Variants in SIPA1L2 observed in about 807,000 individuals in gnomAD.
The protein encoded by SIPA1L2 is signal-induced proliferation-associated 1-like protein 2.
A neutral mutation model predicts 163.9 loss-of-function variants in SIPA1L2; 56 were observed. That is an observed-to-expected ratio of 0.34 (90% CI 0.28 to 0.43). The LOEUF (loss-of-function observed/expected upper bound fraction) is 0.43, where lower values mean the gene tolerates loss of function less well. Among genes scored for constraint, SIPA1L2 ranks in the 20% least tolerant of loss-of-function variants. SIPA1L2 has a pLI of 1.00. For synonymous variants in SIPA1L2, 877 were observed against 865.7 expected, an observed-to-expected ratio of 1.01 and a Z score of -0.23; for missense variants, 1,974 against 2,193.5, an observed-to-expected ratio of 0.90 and a Z score of 2.00.
chr1:232,470,731 A>C (rs1167995945), intron 8 of SIPA1L2, among the ~76,000 whole-genome samples: 1 of 152,226 alleles, frequency 6.6e-6, no homozygotes, highest in African/African-American at 2.4e-5. Flanking sequence ...TGAGGAATCA[A>C]ATGTTAAGAA....
chr1:232,418,498 C>T (rs1661389438), intron 18 of SIPA1L2, among the ~76,000 whole-genome samples: 1 of 152,232 alleles, frequency 6.6e-6, no homozygotes, highest in South Asian at 2.1e-4. Context: ...TTGTGGCCCA[C>T]AGTGCGTGAG....
At chr1:232,590,785 G>C (rs1044356443) in intron 1 of SIPA1L2, among the ~76,000 whole-genome samples, 1 of 152,188 alleles carries the variant, frequency 6.6e-6, no homozygotes, top group Non-Finnish European at 1.5e-5. Context: ...GCAGACCAAA[G>C]TCAGTCATAT....
At chr1:232,446,714 T>C (rs967664668) in intron 10 of SIPA1L2, among the ~76,000 whole-genome samples, 1 of 152,248 alleles carries the variant, frequency 6.6e-6, no homozygotes, top group African/African-American at 2.4e-5. Flanking sequence ...TTCCTCCTTA[T>C]TACAAACTTT....
At chr1:232,595,627 C>T (rs992287996) in intron 1 of SIPA1L2, among the ~76,000 whole-genome samples, 3 of 152,148 alleles carry the variant, frequency 2.0e-5, no homozygotes, top group African/African-American at 7.2e-5. Flanking sequence ...TTGTGCTCCC[C>T]CAACCAAAGA....
At chr1:232,524,298 A>G (rs1444070584) in intron 2 of SIPA1L2, among the ~76,000 whole-genome samples, 76 of 152,110 alleles carry the variant, frequency 5.0e-4, no homozygotes, top group Admixed American at 5.0e-3. Flanking sequence ...AGTTAAAACA[A>G]TAGTATACCA....
chr1:232,466,575 G>C (rs190567220), intron 8 of SIPA1L2, among the ~76,000 whole-genome samples: 1 of 152,162 alleles, frequency 6.6e-6, no homozygotes, highest in Admixed American at 6.5e-5. Flanking sequence ...TGGATCATGA[G>C]GTCAGGAGAT....
rs190542353 is a variant in SIPA1L2 at position 232,564,622 on chromosome 1, T to C, written c.-270+9552A>G. Among the ~76,000 whole-genome samples, 11 of 152,284 alleles carry C rather than the reference T, an allele frequency of 7.2e-5. No individual in the cohort carries two copies. In the East Asian group the frequency reaches 1.9e-3, roughly 27 times the overall value. On this transcript the variant is annotated intron_variant, in intron 2 of 22. Transcript: ENST00000674635. ...AAAGTACAAAGTTAAAAGCTACATGTTAACACTCCTCAAACCCCAATTTTA... is the reference window on the plus strand; with the variant it reads ...AAAGTACAAAGTTAAAAGCTACATGCTAACACTCCTCAAACCCCAATTTTA...
At chr1:232,567,504 G>A (rs1184265769) in intron 2 of SIPA1L2, among the ~76,000 whole-genome samples, 1 of 152,010 alleles carries the variant, frequency 6.6e-6, no homozygotes, top group African/African-American at 2.4e-5. Context: ...TGGAAAAATG[G>A]AAGGAAAATA....
intron 1 of SIPA1L2, among the ~76,000 whole-genome samples, chr1:232,590,494 C>A (rs553597027): frequency 6.6e-6 from 1 of 152,312 alleles, no homozygotes; most frequent in South Asian, 2.1e-4. Flanking sequence ...AGCTGGAGTT[C>A]ATACACACTG....
intron 1 of SIPA1L2, among the ~76,000 whole-genome samples, chr1:232,574,956 C>T (rs2102787693): frequency 6.6e-6 from 1 of 152,334 alleles, no homozygotes; most frequent in African/African-American, 2.4e-5. Flanking sequence ...GAAACTGGCA[C>T]TCAAGAGACT....
At chr1:232,519,036 T>C (rs973966392) in intron 2 of SIPA1L2, among the ~76,000 whole-genome samples, 3 of 152,178 alleles carry the variant, frequency 2.0e-5, no homozygotes, top group Non-Finnish European at 2.9e-5. Flanking sequence ...CAAATACCTA[T>C]GAATGGTTGT....
intron 1 of SIPA1L2, among the ~76,000 whole-genome samples, chr1:232,585,270 G>A (rs540317604): frequency 2.3e-4 from 35 of 152,284 alleles, no homozygotes; most frequent in African/African-American, 8.4e-4. Flanking sequence ...AAAGATGACA[G>A]TTCTATAAAC....
chr1:232,622,957 T>C (rs1270211847), intron 1 of SIPA1L2, among the ~76,000 whole-genome samples: 2 of 152,244 alleles, frequency 1.3e-5, no homozygotes, highest in African/African-American at 2.4e-5. Flanking sequence ...GAGCCTATTA[T>C]GTGGCAAAAA....
chr1:232,441,676 G>C (rs1026250571), intron 13 of SIPA1L2, 92 bp downstream of exon 13: 2 of 1,089,798 alleles, frequency 1.8e-6, no homozygotes, highest in Admixed American at 1.9e-5. Context: ...GGTTGAATGA[G>C]TGAATGAATA....
chr1:232,501,009 C>A (rs1209025588), intron 3 of SIPA1L2, among the ~76,000 whole-genome samples: 1 of 148,438 alleles, frequency 6.7e-6, no homozygotes, highest in Non-Finnish European at 1.5e-5. Flanking sequence ...GGTTGACTTG[C>A]TGAAGGCTCG....
intron 1 of SIPA1L2, among the ~76,000 whole-genome samples, chr1:232,588,275 C>T (rs537345019): frequency 1.1e-4 from 16 of 152,218 alleles, no homozygotes; most frequent in Admixed American, 6.5e-4. Flanking sequence ...ATGGTTATTC[C>T]GACAAGGCTA....
intron 6 of SIPA1L2, among the ~76,000 whole-genome samples, chr1:232,483,074 T>C (rs1190458599): frequency 6.6e-6 from 1 of 152,168 alleles, no homozygotes; most frequent in African/African-American, 2.4e-5. Context: ...ATATAGAACT[T>C]ACAGACATCA....
intron 2 of SIPA1L2, among the ~76,000 whole-genome samples, chr1:232,572,716 T>C (rs369914121): frequency 0.1 from 7,375 of 71,792 alleles, 296 homozygotes; most frequent in African/African-American, 0.13. Context: ...TATATATATA[T>C]ACACACATAT....
At chr1:232,413,713 G>A (rs1661085843) in intron 19 of SIPA1L2, among the ~76,000 whole-genome samples, 1 of 152,168 alleles carries the variant, frequency 6.6e-6, no homozygotes. Flanking sequence ...TAATAAAAGA[G>A]GCAGCCTTCT....
Sources: gnomAD v4.1 joint callset for allele counts (sites outside exome capture counted in the v4.1 genomes callset) on GRCh38, gnomAD v4.1.1 for gene constraint, MANE v1.5 for transcripts, NCBI Gene and HGNC (gene_info 2026-07-23, HGNC 2026-07-21) for gene names.